ATRIP: variants seen among roughly 807,000 people sequenced by gnomAD.
ATRIP encodes the protein ATR-interacting protein.
In ATRIP, 44 loss-of-function variants were observed where a neutral mutation model predicts 78.1. The ratio of observed to expected loss-of-function variants is 0.56; its 90% CI spans 0.44 to 0.72. The LOEUF (loss-of-function observed/expected upper bound fraction) is 0.72, where lower values mean the gene tolerates loss of function less well. Ranked by LOEUF, ATRIP falls within the 30% of genes least tolerant of loss-of-function variation. The probability of loss-of-function intolerance (pLI) is 0.00; values close to 1 mark genes in which losing one functional copy is unlikely to be tolerated. For synonymous variants in ATRIP, 388 were observed against 408.9 expected, an observed-to-expected ratio of 0.95 and a Z score of 0.62; for missense variants, 927 against 980.2, an observed-to-expected ratio of 0.95 and a Z score of 0.72.
At chr3:48,463,283 A>G (rs541040413) in intron 8 of ATRIP, among the ~76,000 whole-genome samples, 1 of 152,310 alleles carries the variant, frequency 6.6e-6, no homozygotes, top group African/African-American at 2.4e-5. Context: ...TTTTCTGGCA[A>G]GTAGAGAAAA....
At position 48,464,146 on chromosome 3, in the gene ATRIP, A is replaced by G; in HGVS notation, c.1974+14A>G. The G allele has an allele frequency of 1.2e-6, 2 of 1,602,054 alleles. No individual in the cohort carries two copies. The highest frequency in any genetic ancestry group is 3.3e-5 in the Admixed American group (2 of 60,006). On this transcript the variant is annotated intron_variant, in intron 10 of 12. Coordinates refer to ENST00000320211, the MANE Select transcript of ATRIP (RefSeq NM_130384.3). ...CTGGAACAAGAGGTAAAAACTCCAGAGCCCCTTCTGGACACTGTCCCCACC... is the reference window on the plus strand; with the variant it reads ...CTGGAACAAGAGGTAAAAACTCCAGGGCCCCTTCTGGACACTGTCCCCACC...
intron 1 of ATRIP, among the ~76,000 whole-genome samples, chr3:48,448,161 CTT>C (rs34075060): frequency 4.5e-4 from 52 of 116,714 alleles, no homozygotes; most frequent in Middle Eastern, 4.7e-3. Context: ...CGTGAACACC[CTT>C]TTTTTTTTTT....
At position 48,459,782 on chromosome 3, in the gene ATRIP, T is replaced by C. The variant is rs1341147653; in HGVS notation, c.926-5T>C. ...AACCTTCTAGAGTCATCTTGTCTTC[T>C]GCAGGTTCCATTTTGATAAACCTGC... On this transcript the variant is annotated splice_polypyrimidine_tract_variant and splice_region_variant and intron_variant, in intron 6 of 12. Coordinates refer to ENST00000320211, the MANE Select transcript of ATRIP (RefSeq NM_130384.3). 10 of 1,610,076 alleles carry C rather than the reference T, an allele frequency of 6.2e-6. No homozygotes were observed. The Admixed American group carries it at 1.4e-4, about 22-fold the overall frequency.
intron 2 of ATRIP, among the ~76,000 whole-genome samples, chr3:48,450,787 A>G (rs531170020): frequency 1.3e-4 from 19 of 151,962 alleles, no homozygotes; most frequent in African/African-American, 4.3e-4. Flanking sequence ...GAGTTTCACC[A>G]TGTTGGCCAG....
chr3:48,466,139 C>T lies in ATRIP; in HGVS notation c.*585C>T, dbSNP rs544702905. 11 of 436,526 alleles carry T rather than the reference C, an allele frequency of 2.5e-5. No homozygotes were observed. Among genetic ancestry groups the T allele is most frequent in the African/African-American group, 1.6e-4 (8 of 49,852 alleles). The allele number at this position is 436,526 out of a possible 1,614,324, so 27.0% of individuals were successfully genotyped here. ...GCAGGGGAGTGGGTGTGGGGGGGAA[C>T]GGATGGTGGTGAGAGGGACAGACCA... On this transcript the variant is annotated 3_prime_UTR_variant, in exon 13 of 13. Transcript: ENST00000320211.
At chr3:48,449,305 C>G (rs978892000) in intron 1 of ATRIP, among the ~76,000 whole-genome samples, 2 of 148,666 alleles carry the variant, frequency 1.3e-5, no homozygotes, top group African/African-American at 5.0e-5. Flanking sequence ...TTCCAGCTAC[C>G]TAGGAGGGTG....
At chr3:48,448,206 G>A (rs932015685) in intron 1 of ATRIP, among the ~76,000 whole-genome samples, 1 of 133,534 alleles carries the variant, frequency 7.5e-6, no homozygotes, top group South Asian at 2.3e-4. Flanking sequence ...CTGTCACCCA[G>A]GCTGAAGTGC....
In ATRIP at chr3:48,466,139, C is replaced by A. The variant is rs544702905; in HGVS notation, c.*585C>A. ...GCAGGGGAGTGGGTGTGGGGGGGAA[C>A]GGATGGTGGTGAGAGGGACAGACCA... On this transcript the variant is annotated 3_prime_UTR_variant, in exon 13 of 13. Coordinates refer to ENST00000320211, the MANE Select transcript of ATRIP (RefSeq NM_130384.3). 1.9e-4 allele frequency: 84 copies of A among 436,642 alleles called. No individual in the cohort carries two copies. Among genetic ancestry groups the A allele is most frequent in the Non-Finnish European group, 3.3e-4 (78 of 232,896 alleles). The allele number at this position is 436,642 out of a possible 1,614,324, so 27.0% of individuals were successfully genotyped here. A position where few individuals can be genotyped will look rare whatever the true frequency, so the allele number is the denominator to read the frequency against.
chr3:48,457,914 T>A (rs2039995409), intron 5 of ATRIP, among the ~76,000 whole-genome samples: 1 of 152,182 alleles, frequency 6.6e-6, no homozygotes. Context: ...AGGGTACATG[T>A]GCACAACGTG....
intron 4 of ATRIP, among the ~76,000 whole-genome samples, chr3:48,454,677 G>GA (rs1366811924): frequency 6.6e-6 from 1 of 152,038 alleles, no homozygotes; most frequent in Admixed American, 6.6e-5. Flanking sequence ...GAAAGACCTG[G>GA]AAAAATGATC....
In ATRIP at chr3:48,460,361, A is replaced by G; in HGVS notation, c.1307A>G (p.Asp436Gly). 1.2e-6 allele frequency: 2 copies of G among 1,613,376 alleles called. No individual in the cohort carries two copies. Among genetic ancestry groups the G allele is most frequent in the Non-Finnish European group, 1.7e-6 (2 of 1,179,636 alleles). Residue 436 changes from aspartate (D) to glycine (G), a missense_variant, in exon 8 of 13, where the codon GAC (aspartate) becomes GGC (glycine). Transcript: ENST00000320211. The stretch of plus-strand genomic sequence containing the variant: ...GGCTTACACTGCCAGGCCCTGCAGG[A>G]CTTGGCAGCTGCTAAGAGAAGCGGA... ...FIGLHCQALQ[D>G]LAAAKRSGAP...
chr3:48,466,422 T>C lies in ATRIP; in HGVS notation c.*868T>C. 6.2e-7 allele frequency: 1 copy of C among 1,608,704 alleles called. No individual in the cohort carries two copies. The highest frequency in any genetic ancestry group is 8.5e-7 in the Non-Finnish European group (1 of 1,176,982). On this transcript the variant is annotated 3_prime_UTR_variant, in exon 13 of 13. Coordinates refer to ENST00000320211, the MANE Select transcript of ATRIP (RefSeq NM_130384.3). ...CCGAGTCATGTGAAGAGGGAGACCCTCTCAGACAGTCGAATGTGCTGGTCC... is the reference window on the plus strand; with the variant it reads ...CCGAGTCATGTGAAGAGGGAGACCCCCTCAGACAGTCGAATGTGCTGGTCC...
Position 48,466,757 on chromosome 3 carries a change from G to A in ATRIP, c.*1203G>A, listed in dbSNP as rs1325661869. On this transcript the variant is annotated 3_prime_UTR_variant, in exon 13 of 13. Coordinates refer to ENST00000320211, the MANE Select transcript of ATRIP (RefSeq NM_130384.3). ...TCTCCCAGCCCAAGGTCACGGAGCT[G>A]TGCCTGCTGGCTGTCCACAGATGTG... 1 of 1,613,826 alleles carries A rather than the reference G, an allele frequency of 6.2e-7. No homozygotes were observed. Among genetic ancestry groups the A allele is most frequent in the African/African-American group, 1.3e-5 (1 of 74,896 alleles).
chr3:48,450,069 A>G lies in ATRIP; in HGVS notation c.280A>G (p.Met94Val). The G allele has an allele frequency of 1.9e-6, 3 of 1,613,714 alleles. No homozygotes were observed. Among genetic ancestry groups the G allele is most frequent in the Non-Finnish European group, 2.5e-6 (3 of 1,179,842 alleles). Residue 94 changes from methionine (M) to valine (V), a missense_variant, in exon 2 of 13, where the codon ATG (methionine) becomes GTG (valine). Met to Val is a conservative substitution (Grantham distance 21). Coordinates refer to ENST00000320211, the MANE Select transcript of ATRIP (RefSeq NM_130384.3). ...TAAGGTCCACAGATTATTAGATGGC[A>G]TGTCAAAAAATCCTTCAGGGAAAAA... ...DHKVHRLLDG[M>V]SKNPSGKNRE...
intron 2 of ATRIP, chr3:48,450,605 T>C: frequency 8.5e-7 from 1 of 1,180,462 alleles, no homozygotes; most frequent in South Asian, 1.4e-5. Flanking sequence ...TTTTTTTTTT[T>C]TTTTGGAGAT....
At chr3:48,464,215 G>A (rs1450175431) in intron 10 of ATRIP, 83 bp downstream of exon 10, 4 of 1,236,912 alleles carry the variant, frequency 3.2e-6, no homozygotes, top group Non-Finnish European at 4.7e-6. Flanking sequence ...CCGCTGAGGA[G>A]AAACGGAGCT....
Position 48,460,789 on chromosome 3 carries a change from T to G in ATRIP, c.1735T>G (p.Phe579Val), listed in dbSNP as rs758127905. The G allele has an allele frequency of 6.9e-6, 11 of 1,597,208 alleles. No homozygotes were observed. In the African/African-American group the frequency reaches 1.3e-4, roughly 19 times the overall value. The change falls in exon 8 of 13, where the codon TTC becomes GTC. Residue 579 changes from phenylalanine (F) to valine (V), a missense_variant. Physicochemically the swap from Phe to Val is conservative, Grantham distance 50. Transcript: ENST00000320211. The stretch of plus-strand genomic sequence containing the variant: ...ATTAGCCGAAAACACTTCCTGTGAT[T>G]TCTTGCCCAGGTATTAAGCTGCATA... ...VKLAENTSCDFLPRFQCVFQV... is the reference protein window; with the variant it reads ...VKLAENTSCDVLPRFQCVFQV...
intron 1 of ATRIP, among the ~76,000 whole-genome samples, chr3:48,447,897 C>A (rs762093017): frequency 6.6e-6 from 1 of 152,186 alleles, no homozygotes; most frequent in Non-Finnish European, 1.5e-5. Flanking sequence ...CGACTCTTCC[C>A]CTTTCCTTGA....
rs1449695718 is a variant in ATRIP at position 48,457,436 on chromosome 3, A to G, written c.829+20A>G. 6.7e-7 allele frequency: 1 copy of G among 1,485,118 alleles called. No individual in the cohort carries two copies. Among genetic ancestry groups the G allele is most frequent in the African/African-American group, 1.4e-5 (1 of 69,210 alleles). The allele number at this position is 1,485,118 out of a possible 1,614,324, so 92.0% of individuals were successfully genotyped here. On this transcript the variant is annotated intron_variant, in intron 5 of 12. Transcript: ENST00000320211. ...GAGAGGGTAAGTCCATTAGTCATCT[A>G]TTGATGTATAACAAGCTACCCAAAT...
Sources: allele counts gnomAD v4.1 joint callset (sites outside exome capture counted in the v4.1 genomes callset), GRCh38; gene constraint gnomAD v4.1.1; transcripts MANE v1.5; gene names NCBI Gene and HGNC (gene_info 2026-07-23, HGNC 2026-07-21).